The following MPPED2 variants were observed in gnomAD, a reference collection of about 807,000 sequenced individuals.
MPPED2 encodes metallophosphoesterase domain containing 2, also known as metallophosphoesterase MPPED2.
In MPPED2, 5 loss-of-function variants were observed where a neutral mutation model predicts 33.0. That is an observed-to-expected ratio of 0.15 (90% CI 0.08 to 0.32). The LOEUF (loss-of-function observed/expected upper bound fraction) is 0.32. MPPED2 is among the 10% of genes least tolerant of loss of function. MPPED2 has a pLI of 1.00. For synonymous variants in MPPED2, 136 were observed against 141.9 expected (o/e 0.96, Z 0.29); for missense variants, 275 against 372.1 (o/e 0.74, Z 2.15).
intron 2 of MPPED2, among the ~76,000 whole-genome samples, chr11:30,546,213 G>T (rs1955418212): frequency 6.6e-6 from 1 of 152,148 alleles, no homozygotes; most frequent in Admixed American, 6.5e-5. Context: ...TAAAATCATA[G>T]TTTTAAATCA....
intron 2 of MPPED2, among the ~76,000 whole-genome samples, chr11:30,558,314 G>C (rs1478913131): frequency 6.6e-6 from 1 of 152,092 alleles, no homozygotes; most frequent in Non-Finnish European, 1.5e-5. Flanking sequence ...TTCCTCAAAA[G>C]CTATAGTTCA....
chr11:30,408,491 T>C (rs1220244738), downstream of MPPED2, among the ~76,000 whole-genome samples: 1 of 152,156 alleles, frequency 6.6e-6, no homozygotes, highest in East Asian at 1.9e-4. Context: ...TTTGTATTTT[T>C]AGTAGAGACG....
intron 3 of MPPED2, among the ~76,000 whole-genome samples, chr11:30,498,650 G>T (rs533758701): frequency 1.3e-5 from 2 of 152,046 alleles, no homozygotes; most frequent in African/African-American, 4.8e-5. Flanking sequence ...TAGGTGAAAT[G>T]GAAAGGAACC....
intron 4 of MPPED2, among the ~76,000 whole-genome samples, chr11:30,430,622 G>C (rs963996802): frequency 1.3e-5 from 2 of 152,124 alleles, no homozygotes; most frequent in African/African-American, 4.8e-5. Flanking sequence ...CCAAAAGTAA[G>C]TAAAAATGCT....
chr11:30,510,383 C>A (rs1248883599), intron 3 of MPPED2, among the ~76,000 whole-genome samples: 1 of 152,158 alleles, frequency 6.6e-6, no homozygotes, highest in Non-Finnish European at 1.5e-5. Context: ...AAAGTTCTTC[C>A]ATGATACTAA....
chr11:30,476,867 T>C (rs1293904134), intron 4 of MPPED2, among the ~76,000 whole-genome samples: 1 of 152,054 alleles, frequency 6.6e-6, no homozygotes, highest in Non-Finnish European at 1.5e-5. Context: ...ACATAATATA[T>C]CTTCATTTGT....
At chr11:30,537,847 T>C (rs993798253) in intron 2 of MPPED2, among the ~76,000 whole-genome samples, 1 of 152,184 alleles carries the variant, frequency 6.6e-6, no homozygotes, top group African/African-American at 2.4e-5. Context: ...ATCTCATTAG[T>C]AACCTGGAAA....
intron 3 of MPPED2, among the ~76,000 whole-genome samples, chr11:30,497,009 G>A (rs1421518183): frequency 6.6e-6 from 1 of 152,156 alleles, no homozygotes; most frequent in Non-Finnish European, 1.5e-5. Flanking sequence ...TAACACTGCA[G>A]AGAGAGGAAA....
chr11:30,486,384 C>A (rs1343582134), intron 4 of MPPED2, among the ~76,000 whole-genome samples: 1 of 152,220 alleles, frequency 6.6e-6, no homozygotes, highest in East Asian at 1.9e-4. Context: ...ACGCTAAGAA[C>A]TCAATCACTG....
intron 2 of MPPED2, among the ~76,000 whole-genome samples, chr11:30,553,514 G>A (rs1390662562): frequency 2.0e-5 from 3 of 152,150 alleles, no homozygotes; most frequent in South Asian, 2.1e-4. Flanking sequence ...CAACAAACAC[G>A]AATTTTTGTT....
At chr11:30,412,278 A>G (rs577833623) in intron 6 of MPPED2, among the ~76,000 whole-genome samples, 68 of 150,560 alleles carry the variant, frequency 4.5e-4, no homozygotes, top group African/African-American at 1.4e-3. Context: ...CATATGCAAT[A>G]TAAACCTTTT....
chr11:30,558,947 T>C (rs984132604), intron 2 of MPPED2, among the ~76,000 whole-genome samples: 4 of 152,212 alleles, frequency 2.6e-5, no homozygotes, highest in African/African-American at 9.6e-5. Flanking sequence ...AGCTGCTCAT[T>C]TGAAGTGGGA....
At chr11:30,412,226 T>G (rs960617844) in intron 6 of MPPED2, among the ~76,000 whole-genome samples, 1 of 149,776 alleles carries the variant, frequency 6.7e-6, no homozygotes, top group African/African-American at 2.5e-5. Flanking sequence ...GGTCACTGTT[T>G]CCTAAGCTTA....
chr11:30,399,163 T>C (rs1590156564), intron 6 of MPPED2, among the ~76,000 whole-genome samples: 1 of 17,672 alleles, frequency 5.7e-5, no homozygotes, highest in South Asian at 1.3e-3. Flanking sequence ...GATCCAATAC[T>C]TTTTTTTTTA....
At chr11:30,543,114 C>A (rs138173079) in intron 2 of MPPED2, among the ~76,000 whole-genome samples, 7 of 152,236 alleles carry the variant, frequency 4.6e-5, no homozygotes, top group Non-Finnish European at 8.8e-5. Flanking sequence ...AAAAATAAGT[C>A]TCCTAAATGA....
intron 3 of MPPED2, among the ~76,000 whole-genome samples, chr11:30,505,678 CA>C (rs2134270505): frequency 6.6e-6 from 1 of 152,284 alleles, no homozygotes; most frequent in South Asian, 2.1e-4. Flanking sequence ...AAACCGCATC[CA>C]AATCAAGGTT....
intron 4 of MPPED2, among the ~76,000 whole-genome samples, chr11:30,435,611 C>T (rs550084507): frequency 6.6e-6 from 1 of 152,156 alleles, no homozygotes; most frequent in Non-Finnish European, 1.5e-5. Context: ...TTTGTGAGTC[C>T]AAGAGCAGTG....
At chr11:30,462,840 T>C (rs1950560452) in intron 4 of MPPED2, among the ~76,000 whole-genome samples, 1 of 152,226 alleles carries the variant, frequency 6.6e-6, no homozygotes, top group African/African-American at 2.4e-5. Context: ...TATCATCTGG[T>C]ATTTATTTGA....
At chr11:30,474,126 T>C (rs1245116696) in intron 4 of MPPED2, among the ~76,000 whole-genome samples, 1 of 152,228 alleles carries the variant, frequency 6.6e-6, no homozygotes, top group African/African-American at 2.4e-5. Context: ...AGCTAACCAA[T>C]ACAGCCACAC....
Sources: allele counts gnomAD v4.1 joint callset (sites outside exome capture counted in the v4.1 genomes callset), GRCh38; gene constraint gnomAD v4.1.1; transcripts MANE v1.5; gene names NCBI Gene and HGNC (gene_info 2026-07-23, HGNC 2026-07-21).